CASK: variants seen among roughly 807,000 people sequenced by gnomAD.
The protein encoded by CASK is calcium/calmodulin dependent serine protein kinase.
Under a neutral mutation model 82.9 loss-of-function variants are expected in CASK, and 4 were observed. That is an observed-to-expected ratio of 0.05 (90% CI 0.02 to 0.11). The LOEUF is 0.11. Ranked by LOEUF, CASK falls within the 10% of genes least tolerant of loss-of-function variation. The pLI is 1.00. For missense variants in CASK, 358 were observed against 720.9 expected (o/e 0.50, Z 5.76); for synonymous variants, 259 against 253.5 (o/e 1.02, Z -0.20).
chrX:41,673,827 GTGTT>G (rs2067226989), intron 5 of CASK, among the ~76,000 whole-genome samples: 1 of 89,232 alleles, frequency 1.1e-5, no homozygotes, highest in African/African-American at 4.0e-5. Context: ...AGAACTCTGG[GTGTT>G]TTTTTTTTTT....
rs899988060 is a variant in CASK, at chrX:41,515,433, C to T, written c.*4987G>A. ...TACTTCAACACCTTTTATAAAAAGG[C>T]AATAATACATACAGAAAAAAGAACA... On this transcript the variant is annotated 3_prime_UTR_variant, in exon 27 of 27. Transcript: ENST00000378163. The T allele has an allele frequency of 3.6e-5, 4 of 112,120 alleles. No homozygotes were observed. Among genetic ancestry groups the T allele is most frequent in the African/African-American group, 1.3e-4 (4 of 30,815 alleles). 9.2% of individuals were successfully genotyped at this position (112,120 alleles called of 1,213,427 possible).
At chrX:41,702,999 G>C (rs2067829013) in intron 5 of CASK, among the ~76,000 whole-genome samples, 1 of 111,622 alleles carries the variant, frequency 9.0e-6, no homozygotes, top group Non-Finnish European at 1.9e-5. Flanking sequence ...AATGCATAAA[G>C]AACCATCAGA....
chrX:41,629,667 T>C (rs897395251), intron 9 of CASK, among the ~76,000 whole-genome samples: 1 of 111,996 alleles, frequency 8.9e-6, no homozygotes, highest in Non-Finnish European at 1.9e-5. Context: ...TACTCAGTTC[T>C]ACCACTGTAG....
At chrX:41,895,303 G>T (rs1021993591) in intron 1 of CASK, among the ~76,000 whole-genome samples, 1 of 112,027 alleles carries the variant, frequency 8.9e-6, no homozygotes, top group Non-Finnish European at 1.9e-5. Flanking sequence ...CTGTAAGAGA[G>T]ACTTCACTGT....
In CASK at chrX:41,707,075, G is replaced by T. The variant is rs773673387; in HGVS notation, c.429+32309C>A. On this transcript the variant is annotated intron_variant, in intron 5 of 26. Transcript: ENST00000378163. ...ACATTAAAGTTGAAAGCACATCCAA[G>T]GAAATGTGTTAGATTAAAAATTGCC... Among the ~76,000 whole-genome samples the T allele has an allele frequency of 2.7e-5, 3 of 112,175 alleles. No individual in the cohort carries two copies. The East Asian group carries it at 8.4e-4, about 31-fold the overall frequency.
intron 1 of CASK, among the ~76,000 whole-genome samples, chrX:41,886,241 CAATT>C (rs1185123280): frequency 1.8e-5 from 2 of 111,752 alleles, no homozygotes; most frequent in African/African-American, 6.5e-5. Context: ...AAAAAGTACT[CAATT>C]AACATCTCAC....
intron 5 of CASK, among the ~76,000 whole-genome samples, chrX:41,708,903 T>G (rs1168722872): frequency 9.0e-6 from 1 of 111,401 alleles, no homozygotes; most frequent in African/African-American, 3.3e-5. Context: ...CTAGAGAACT[T>G]ATACTTCCAA....
At chrX:41,841,807 C>A (rs1314770807) in intron 2 of CASK, among the ~76,000 whole-genome samples, 4 of 111,923 alleles carry the variant, frequency 3.6e-5, no homozygotes, top group African/African-American at 1.3e-4. Context: ...TGGGCATGAG[C>A]CACCACGCCT....
At chrX:41,758,073 G>T (rs887135481) in intron 3 of CASK, among the ~76,000 whole-genome samples, 10 of 111,877 alleles carry the variant, frequency 8.9e-5, no homozygotes, top group Non-Finnish European at 3.8e-5. Context: ...TATTTGTAGA[G>T]GATAGAAGGA....
chrX:41,863,803 C>T (rs2071537928), intron 1 of CASK, among the ~76,000 whole-genome samples: 1 of 111,894 alleles, frequency 8.9e-6, no homozygotes. Context: ...AGCATTATCA[C>T]AATTGTCAAA....
At chrX:41,879,066 G>T (rs2071892707) in intron 1 of CASK, among the ~76,000 whole-genome samples, 1 of 111,438 alleles carries the variant, frequency 9.0e-6, no homozygotes, top group Admixed American at 9.6e-5. Context: ...ATCTTAAGGG[G>T]ATCTAATAAG....
chrX:41,725,808 T>C (rs1481676909), intron 5 of CASK, among the ~76,000 whole-genome samples: 1 of 112,105 alleles, frequency 8.9e-6, no homozygotes, highest in African/African-American at 3.2e-5. Context: ...AGATAGCAAA[T>C]TACACACAAG....
chrX:41,576,935 A>G (rs890715603), intron 15 of CASK, among the ~76,000 whole-genome samples: 5 of 112,241 alleles, frequency 4.5e-5, no homozygotes, highest in African/African-American at 1.6e-4. Flanking sequence ...GATTAGGACC[A>G]GAAATGTCTA....
At chrX:41,756,057 G>C (rs2068888448) in intron 3 of CASK, among the ~76,000 whole-genome samples, 1 of 112,065 alleles carries the variant, frequency 8.9e-6, no homozygotes, top group African/African-American at 3.2e-5. Flanking sequence ...TGGAATTGCA[G>C]AAGGCCAAGA....
chrX:41,830,640 GA>G (rs1212676828), intron 2 of CASK, among the ~76,000 whole-genome samples: 1 of 107,336 alleles, frequency 9.3e-6, no homozygotes, highest in Non-Finnish European at 1.9e-5. Context: ...CTAACTCGGT[GA>G]AACCCCGTCT....
intron 12 of CASK, among the ~76,000 whole-genome samples, chrX:41,600,216 C>T (rs1193712093): frequency 2.7e-5 from 3 of 111,801 alleles, no homozygotes; most frequent in East Asian, 5.5e-4. Flanking sequence ...AGCATTTGTA[C>T]TTGGTGTAGC....
At chrX:41,830,511 C>T (rs902478039) in intron 2 of CASK, among the ~76,000 whole-genome samples, 1 of 111,520 alleles carries the variant, frequency 9.0e-6, no homozygotes, top group African/African-American at 3.3e-5. Context: ...GATAAACTAG[C>T]GTGCCAGCCA....
intron 6 of CASK, among the ~76,000 whole-genome samples, chrX:41,667,581 G>A (rs940598103): frequency 9.0e-6 from 1 of 111,124 alleles, no homozygotes; most frequent in Non-Finnish European, 1.9e-5. Flanking sequence ...ATCTTTATGC[G>A]CACAATCCTT....
Position 41,786,053 on chromosome X carries a change from T to C in CASK, c.278+1125A>G, listed in dbSNP as rs373116896. 9.8e-4 allele frequency among the ~76,000 whole-genome samples: 109 copies of C among 111,790 alleles called. 1 individual carries two copies. The highest frequency in any genetic ancestry group is 3.5e-3 in the African/African-American group (107 of 30,786). ...TAAGGAATTGTGGCTCTCAGTCCAGTAGCCTGTGAGGAAGGTAAGACTGCC... is the reference window on the plus strand; with the variant it reads ...TAAGGAATTGTGGCTCTCAGTCCAGCAGCCTGTGAGGAAGGTAAGACTGCC... On this transcript the variant is annotated intron_variant, in intron 3 of 26. Transcript: ENST00000378163.
Sources: gnomAD v4.1 joint callset for allele counts (sites outside exome capture counted in the v4.1 genomes callset) on GRCh38, gnomAD v4.1.1 for gene constraint, MANE v1.5 for transcripts, NCBI Gene and HGNC (gene_info 2026-07-23, HGNC 2026-07-21) for gene names.